Variants in ACACA observed in about 807,000 individuals in gnomAD.
The protein encoded by ACACA is acetyl-CoA carboxylase 1.
A neutral mutation model predicts 296.1 loss-of-function variants in ACACA; 103 were observed. The ratio of observed to expected loss-of-function variants is 0.35; its 90% confidence interval spans 0.30 to 0.41. ACACA has a LOEUF of 0.41. Ranked by LOEUF, ACACA falls within the 10% of genes least tolerant of loss-of-function variation. ACACA has a pLI of 1.00. For missense variants in ACACA, 1,554 were observed against 2,989.7 expected, an observed-to-expected ratio of 0.52 and a Z score of 11.20; for synonymous variants, 953 against 1,038.6, an observed-to-expected ratio of 0.92 and a Z score of 1.58.
chr17:37,131,956 C>T (rs1316418026), intron 45 of ACACA, among the ~76,000 whole-genome samples: 2 of 152,152 alleles, frequency 1.3e-5, no homozygotes, highest in East Asian at 3.8e-4. Flanking sequence ...AGCTCCCATC[C>T]GCCTCTCAGT....
chr17:37,275,368 G>A (rs528925856), intron 8 of ACACA, among the ~76,000 whole-genome samples: 1 of 151,822 alleles, frequency 6.6e-6, no homozygotes, highest in African/African-American at 2.4e-5. Context: ...GTGGTGGCGG[G>A]TGCCTGTAAT....
intron 39 of ACACA, among the ~76,000 whole-genome samples, chr17:37,182,633 CATAAAAT>C (rs2077370104): frequency 6.6e-6 from 1 of 152,258 alleles, no homozygotes; most frequent in South Asian, 2.1e-4. Context: ...TGCATGGATA[CATAAAAT>C]ATAAATTCCC....
intron 33 of ACACA, among the ~76,000 whole-genome samples, chr17:37,202,531 TTTGA>T (rs2145296189): frequency 6.6e-6 from 1 of 151,882 alleles, no homozygotes; most frequent in South Asian, 2.1e-4. Flanking sequence ...GATCAACCTA[TTTGA>T]TAGTTTAATG....
chr17:37,215,823 GA>G (rs1482505548), intron 29 of ACACA, among the ~76,000 whole-genome samples: 1 of 151,946 alleles, frequency 6.6e-6, no homozygotes, highest in Non-Finnish European at 1.5e-5. Context: ...GAAAGAAGGA[GA>G]AAAAGGAATA....
intron 3 of ACACA, among the ~76,000 whole-genome samples, chr17:37,309,569 C>A (rs2084038007): frequency 1.3e-5 from 2 of 152,074 alleles, no homozygotes; most frequent in Admixed American, 6.6e-5. Flanking sequence ...AGGATAAAGA[C>A]CTCAAGTGAT....
intron 25 of ACACA, 70 bp downstream of exon 25, chr17:37,234,905 C>T: frequency 6.4e-7 from 1 of 1,564,566 alleles, no homozygotes; most frequent in Non-Finnish European, 8.8e-7. Context: ...TGGCCATAGC[C>T]ATCAAAAGGA....
At chr17:37,088,652 A>T (rs778242048) in intron 55 of ACACA, among the ~76,000 whole-genome samples, 1 of 152,158 alleles carries the variant, frequency 6.6e-6, no homozygotes, top group Non-Finnish European at 1.5e-5. Context: ...TTCCTCCCAG[A>T]GTTGTTCATC....
chr17:37,149,921 T>C lies in ACACA; in HGVS notation c.5622A>G (p.Arg1874=). Residue 1874 remains arginine, a synonymous_variant, in exon 45 of 56, where the codon AGA becomes AGG. Transcript: ENST00000616317. The part of the protein sequence containing the change: ...IGAYLVRLGQ[R]TIQVENSHLI... ...AGTGAGAATTCTCAACCTGGATGGT[T>C]CTCTGTCCCAGCCGGACAAGGTAAG... The C allele has an allele frequency of 6.2e-7, 1 of 1,614,186 alleles. No homozygotes were observed. Among genetic ancestry groups the C allele is most frequent in the Non-Finnish European group, 8.5e-7 (1 of 1,180,012 alleles).
intron 29 of ACACA, among the ~76,000 whole-genome samples, chr17:37,216,125 A>AAC (rs745794412): frequency 0.15 from 19,107 of 124,336 alleles, 1,426 homozygotes; most frequent in East Asian, 0.38. Flanking sequence ...TAAAAAAGGA[A>AAC]ACACACACAC....
intron 1 of ACACA, among the ~76,000 whole-genome samples, chr17:37,397,203 A>G (rs565798269): frequency 5.3e-5 from 8 of 152,316 alleles, no homozygotes; most frequent in African/African-American, 1.9e-4. Context: ...ATGTCCCTAC[A>G]AAGGACATGA....
chr17:37,345,941 G>A (rs1264660524), intron 1 of ACACA, among the ~76,000 whole-genome samples: 9 of 152,112 alleles, frequency 5.9e-5, no homozygotes, highest in Admixed American at 5.9e-4. Context: ...AGGCCAGCAT[G>A]GTGGCTCATG....
chr17:37,351,927 A>ATTTTT (rs34937393), intron 1 of ACACA, among the ~76,000 whole-genome samples: 1 of 112,654 alleles, frequency 8.9e-6, no homozygotes, highest in Non-Finnish European at 1.7e-5. Flanking sequence ...CACAGGCTGC[A>ATTTTT]TTTTTTTTTT....
intron 3 of ACACA, among the ~76,000 whole-genome samples, chr17:37,309,842 G>A (rs570293726): frequency 5.3e-5 from 8 of 151,890 alleles, no homozygotes; most frequent in African/African-American, 1.9e-4. Context: ...ACTTGAGTCC[G>A]AGACTTTGAG....
At chr17:37,393,906 G>A (rs1218907161) in intron 1 of ACACA, among the ~76,000 whole-genome samples, 1 of 152,050 alleles carries the variant, frequency 6.6e-6, no homozygotes, top group African/African-American at 2.4e-5. Context: ...TTTGCTTTGG[G>A]GACAATTTGT....
intron 45 of ACACA, among the ~76,000 whole-genome samples, chr17:37,135,646 T>C (rs1305759040): frequency 1.3e-5 from 2 of 152,076 alleles, no homozygotes; most frequent in Non-Finnish European, 2.9e-5. Context: ...TTTACTGAGG[T>C]ACAGGGCTCA....
intron 54 of ACACA, among the ~76,000 whole-genome samples, chr17:37,095,978 T>A (rs1259954013): frequency 1.3e-5 from 2 of 152,134 alleles, no homozygotes; most frequent in Non-Finnish European, 2.9e-5. Flanking sequence ...GTTACTGCTC[T>A]AGGTCACGAG....
In ACACA at chr17:37,236,903, A is replaced by G. The variant is rs1245126575; in HGVS notation, c.3122-1804T>C. 3.9e-5 allele frequency among the ~76,000 whole-genome samples: 6 copies of G among 152,374 alleles called. No individual in the cohort carries two copies. The East Asian group carries it at 1.2e-3, about 29-fold the overall frequency. On this transcript the variant is annotated intron_variant, in intron 24 of 55. Transcript: ENST00000616317. ...GAAATATATATACAGAAGAATATAT[A>G]GAATATATGGTATCAGTTGAAATAA... is the stretch of plus-strand genomic sequence containing the variant.
At chr17:37,339,905 T>C (rs902390044) in intron 1 of ACACA, 55 bp from the exon 2 acceptor site, 12 of 910,430 alleles carry the variant, frequency 1.3e-5, no homozygotes, top group Non-Finnish European at 2.1e-5. Flanking sequence ...CAAACTTTTG[T>C]CAATTCCTGT....
chr17:37,340,653 AC>A lies in ACACA; in HGVS notation c.39-804del, dbSNP rs562632610. On this transcript the variant is annotated intron_variant, in intron 1 of 55. Coordinates refer to ENST00000616317, the MANE Select transcript of ACACA (RefSeq NM_198834.3). ...AAACTTCCGAGAGGACCCCTAAATGACAAGGGACAACATTTAGGAATATTAG... is the reference window on the plus strand; with the variant it reads ...AAACTTCCGAGAGGACCCCTAAATGAAAGGGACAACATTTAGGAATATTAG... Among the ~76,000 whole-genome samples the A allele has an allele frequency of 3.0e-4, 45 of 152,338 alleles. 1 individual carries two copies. The highest frequency in any genetic ancestry group is 1.0e-3 in the Admixed American group (16 of 15,300).
Sources: gnomAD v4.1 joint callset for allele counts (sites outside exome capture counted in the v4.1 genomes callset) on GRCh38, gnomAD v4.1.1 for gene constraint, MANE v1.5 for transcripts, NCBI Gene and HGNC (gene_info 2026-07-23, HGNC 2026-07-21) for gene names.